SLC16A7: variants seen among roughly 807,000 people sequenced by gnomAD.
SLC16A7 encodes the protein monocarboxylate transporter 2.
In SLC16A7, 33 loss-of-function variants were observed where a neutral mutation model predicts 34.9. The ratio of observed to expected loss-of-function variants is 0.94; its 90% confidence interval spans 0.72 to 1.26. SLC16A7 has a LOEUF of 1.26. SLC16A7 is among the 50% of genes most tolerant of loss of function. SLC16A7 has a pLI of 0.00. For synonymous variants in SLC16A7, 201 were observed against 206.6 expected, an observed-to-expected ratio of 0.97 and a Z score of 0.23; for missense variants, 573 against 578.1, an observed-to-expected ratio of 0.99 and a Z score of 0.09.
At chr12:59,606,901 A>T (rs1878971617) in intron 1 of SLC16A7, among the ~76,000 whole-genome samples, 1 of 152,158 alleles carries the variant, frequency 6.6e-6, no homozygotes, top group South Asian at 2.1e-4. Context: ...CCCACTAATT[A>T]AAGGCACAAC....
rs892073643 is a variant in SLC16A7, at chr12:59,787,484, G to C, written c.*7805G>C. 4 of 152,120 alleles carry C rather than the reference G, an allele frequency of 2.6e-5. No individual in the cohort carries two copies. The highest frequency in any genetic ancestry group is 9.7e-5 in the African/African-American group (4 of 41,434). 9.4% of individuals were successfully genotyped at this position (152,120 alleles called of 1,614,324 possible). A position where few individuals can be genotyped will look rare whatever the true frequency, so the allele number is the denominator to read the frequency against. On this transcript the variant is annotated 3_prime_UTR_variant, in exon 6 of 6. Transcript: ENST00000547379. ...TCTACCTCTGCATCTTATCTAGCTA[G>C]ATACAGTCTTTCTAAACTTTCTCCT...
In SLC16A7 at chr12:59,775,491, A is replaced by G. The variant is rs1207468710; in HGVS notation, c.1180+16A>G. 1.6e-5 allele frequency: 25 copies of G among 1,577,420 alleles called. No homozygotes were observed. Among genetic ancestry groups the G allele is most frequent in the Admixed American group, 6.8e-5 (4 of 59,134 alleles). ...CCTCTTGCAGGTAAGAACGTTTTTC[A>G]TCAAGGAAAATGTAAAGCATAAAAT... On this transcript the variant is annotated intron_variant, in intron 5 of 5. Coordinates refer to ENST00000547379, the MANE Select transcript of SLC16A7 (RefSeq NM_001270623.2).
chr12:59,718,392 A>G (rs540977121), intron 3 of SLC16A7, among the ~76,000 whole-genome samples: 1 of 152,068 alleles, frequency 6.6e-6, no homozygotes, highest in Admixed American at 6.6e-5. Flanking sequence ...TGTTTCTAAG[A>G]GGCATTGACA....
chr12:59,745,149 TATAAA>T (rs1878758124), intron 3 of SLC16A7, among the ~76,000 whole-genome samples: 1 of 152,190 alleles, frequency 6.6e-6, no homozygotes, highest in East Asian at 1.9e-4. Context: ...TCTTTATGAT[TATAAA>T]ATGGGTGCCA....
chr12:59,682,787 G>A (rs939285267), intron 2 of SLC16A7, among the ~76,000 whole-genome samples: 1 of 152,032 alleles, frequency 6.6e-6, no homozygotes, highest in African/African-American at 2.4e-5. Flanking sequence ...AAAACAAATT[G>A]CGGCCAGTCA....
rs182075257 is a variant in SLC16A7, at chr12:59,660,156, A to T, written c.-31+4906A>T. Among the ~76,000 whole-genome samples the T allele has an allele frequency of 6.8e-3, 1,039 of 152,016 alleles. 4 individuals are homozygous for T. Among genetic ancestry groups the T allele is most frequent in the African/African-American group, 0.014 (590 of 41,496 alleles). On this transcript the variant is annotated intron_variant, in intron 2 of 5. Coordinates refer to ENST00000547379, the MANE Select transcript of SLC16A7 (RefSeq NM_001270623.2). ...AAAAGAATCCTTTAGATTTTTTTTTAAAAAACTCTTTTTTTAAAAGAATTT... is the reference window on the plus strand; with the variant it reads ...AAAAGAATCCTTTAGATTTTTTTTTTAAAAACTCTTTTTTTAAAAGAATTT...
At position 59,779,789 on chromosome 12, in the gene SLC16A7, A is replaced by C; in HGVS notation, c.*110A>C. The C allele has an allele frequency of 1.2e-6, 1 of 827,496 alleles. No homozygotes were observed. Among genetic ancestry groups the C allele is most frequent in the South Asian group, 1.9e-5 (1 of 51,662 alleles). The allele number at this position is 827,496 out of a possible 1,614,324, so 51.3% of individuals were successfully genotyped here. On this transcript the variant is annotated 3_prime_UTR_variant, in exon 6 of 6. Transcript: ENST00000547379. ...GTTTTAGCTGAAATGAGGAGTCACA[A>C]TTAAGGATGGAGGTGATATTTTCCT... is the stretch of plus-strand genomic sequence containing the variant.
At position 59,684,239 on chromosome 12, in the gene SLC16A7, G is replaced by A. The variant is rs796404729; in HGVS notation, c.-30-20533G>A. Reference sequence around the variant, plus strand: ...GTAGGCTAAGAAAATAACTAGAAAAGACTGATAAAAATAAAGTGTGAAAAT... The same window carrying A: ...GTAGGCTAAGAAAATAACTAGAAAAAACTGATAAAAATAAAGTGTGAAAAT... On this transcript the variant is annotated intron_variant, in intron 2 of 5. Coordinates refer to ENST00000547379, the MANE Select transcript of SLC16A7 (RefSeq NM_001270623.2). Among the ~76,000 whole-genome samples, 9 of 152,250 alleles carry A rather than the reference G, an allele frequency of 5.9e-5. 2 individuals are homozygous for A. The highest frequency in any genetic ancestry group is 2.2e-4 in the African/African-American group (9 of 41,560).
intron 2 of SLC16A7, among the ~76,000 whole-genome samples, chr12:59,703,662 A>T (rs988936426): frequency 2.0e-5 from 3 of 152,108 alleles, no homozygotes; most frequent in African/African-American, 7.2e-5. Flanking sequence ...CCCAGGATGG[A>T]GTGCAGTGGC....
At chr12:59,605,173 G>A (rs549084815) in intron 1 of SLC16A7, among the ~76,000 whole-genome samples, 1 of 152,226 alleles carries the variant, frequency 6.6e-6, no homozygotes, top group East Asian at 1.9e-4. Context: ...TAGTAGTCAG[G>A]TATAATGAGT....
At chr12:59,766,109 G>T (rs1034972276) in intron 3 of SLC16A7, among the ~76,000 whole-genome samples, 1 of 152,188 alleles carries the variant, frequency 6.6e-6, no homozygotes, top group Non-Finnish European at 1.5e-5. Flanking sequence ...GTGAATGGAA[G>T]TTCACTCATG....
chr12:59,712,174 C>T lies in SLC16A7; in HGVS notation c.217+7156C>T, dbSNP rs150177775. ...TTAGGAAATTGTAGTTTTTGATTCA[C>T]TGCAGTTGTTGCTGCTGTTGTTCTT... On this transcript the variant is annotated intron_variant, in intron 3 of 5. Transcript: ENST00000547379. Among the ~76,000 whole-genome samples, 213 of 152,324 alleles carry T rather than the reference C, an allele frequency of 1.4e-3. 1 individual carries two copies. The highest frequency in any genetic ancestry group is 6.8e-3 in the Middle Eastern group (2 of 294).
intron 1 of SLC16A7, among the ~76,000 whole-genome samples, chr12:59,607,946 CATAG>C (rs1183245683): frequency 6.6e-6 from 1 of 152,108 alleles, no homozygotes; most frequent in Non-Finnish European, 1.5e-5. Context: ...TGAGCTAGAA[CATAG>C]ATAGGAATAT....
chr12:59,604,123 T>C (rs1470383816), intron 1 of SLC16A7, among the ~76,000 whole-genome samples: 3 of 152,240 alleles, frequency 2.0e-5, no homozygotes, highest in Non-Finnish European at 4.4e-5. Context: ...TGTGGAGTAA[T>C]TCAACTTTAG....
In SLC16A7 at chr12:59,783,645, C is replaced by G. The variant is rs750259197; in HGVS notation, c.*3966C>G. ...TAGAACCTGAATATGTAATTTCTTTCTTTCTTTCTTTTTTTTTTTTTTTGA... is the reference window on the plus strand; with the variant it reads ...TAGAACCTGAATATGTAATTTCTTTGTTTCTTTCTTTTTTTTTTTTTTTGA... On this transcript the variant is annotated 3_prime_UTR_variant, in exon 6 of 6. Coordinates refer to ENST00000547379, the MANE Select transcript of SLC16A7 (RefSeq NM_001270623.2). 19 of 148,954 alleles carry G rather than the reference C, an allele frequency of 1.3e-4. No individual in the cohort carries two copies. The highest frequency in any genetic ancestry group is 2.5e-4 in the Non-Finnish European group (17 of 67,198). 9.2% of individuals were successfully genotyped at this position (148,954 alleles called of 1,614,324 possible).
chr12:59,728,934 A>G (rs935531359), intron 3 of SLC16A7, among the ~76,000 whole-genome samples: 6 of 152,210 alleles, frequency 3.9e-5, no homozygotes, highest in African/African-American at 1.4e-4. Context: ...ATATCAAATA[A>G]TTAGGTGTCC....
intron 1 of SLC16A7, among the ~76,000 whole-genome samples, chr12:59,645,530 A>T (rs1483908390): frequency 6.6e-6 from 1 of 152,106 alleles, no homozygotes; most frequent in Non-Finnish European, 1.5e-5. Context: ...TTCTACCATG[A>T]TTGTAAGCTT....
intron 1 of SLC16A7, among the ~76,000 whole-genome samples, chr12:59,624,746 G>C (rs1476874031): frequency 6.6e-6 from 1 of 150,900 alleles, no homozygotes; most frequent in African/African-American, 2.4e-5. Flanking sequence ...AGTTGTGTGT[G>C]TGTGTGTGTG....
chr12:59,627,414 A>G (rs1879977371), intron 1 of SLC16A7, among the ~76,000 whole-genome samples: 1 of 151,880 alleles, frequency 6.6e-6, no homozygotes. Flanking sequence ...GGTTATCTAT[A>G]TATGTGTGTG....
Sources: gnomAD v4.1 joint callset for allele counts (sites outside exome capture counted in the v4.1 genomes callset) on GRCh38, gnomAD v4.1.1 for gene constraint, MANE v1.5 for transcripts, NCBI Gene and HGNC (gene_info 2026-07-23, HGNC 2026-07-21) for gene names.